MTTP: variants seen among roughly 807,000 people sequenced by gnomAD.
MTTP encodes microsomal triglyceride transfer protein large subunit.
A neutral mutation model predicts 90.6 loss-of-function variants in MTTP; 49 were observed. That is an observed-to-expected ratio of 0.54 (90% CI 0.43 to 0.69). The LOEUF (loss-of-function observed/expected upper bound fraction) is 0.69, where lower values mean the gene tolerates loss of function less well. Ranked by LOEUF, MTTP falls within the 30% of genes least tolerant of loss-of-function variation. The pLI is 0.00. For missense variants in MTTP, 945 were observed against 1,067.5 expected, an observed-to-expected ratio of 0.89 and a Z score of 1.60; for synonymous variants, 347 against 384.2, an observed-to-expected ratio of 0.90 and a Z score of 1.13.
At position 99,622,667 on chromosome 4, in the gene MTTP, TG is replaced by T; in HGVS notation, c.2514-9del. 1 of 1,613,698 alleles carries T rather than the reference TG, an allele frequency of 6.2e-7. No homozygotes were observed. Among genetic ancestry groups the T allele is most frequent in the Non-Finnish European group, 8.5e-7 (1 of 1,179,670 alleles). ...TGTGTAATTCTGTTATTGTTGCTGTTGTTGTACAGGCAATTTGAGAAAAAGT... is the reference window on the plus strand; with the variant it reads ...TGTGTAATTCTGTTATTGTTGCTGTTTTGTACAGGCAATTTGAGAAAAAGT... On this transcript the variant is annotated splice_polypyrimidine_tract_variant and intron_variant, in intron 17 of 17. Coordinates refer to ENST00000265517, the MANE Select transcript of MTTP (RefSeq NM_001386140.1).
chr4:99,564,146 T>G, exon 1 of MTTP: 1 of 1,535,512 alleles, frequency 6.5e-7, no homozygotes, highest in Non-Finnish European at 8.7e-7. Flanking sequence ...AGTTAGTGTT[T>G]TGGGAGTGGG....
intron 10 of MTTP, 103 bp downstream of exon 10, chr4:99,601,817 A>C (rs915326252): frequency 1.1e-6 from 1 of 902,116 alleles, no homozygotes. Context: ...TCTTTACTCT[A>C]TTCTACTTAC....
At chr4:99,568,121 G>T (rs1257121467) in intron 1 of MTTP, among the ~76,000 whole-genome samples, 1 of 151,856 alleles carries the variant, frequency 6.6e-6, no homozygotes, top group Non-Finnish European at 1.5e-5. Context: ...ACAATAATAA[G>T]AAATATAGAA....
At chr4:99,616,284 C>T (rs1726097906) in intron 15 of MTTP, among the ~76,000 whole-genome samples, 1 of 152,152 alleles carries the variant, frequency 6.6e-6, no homozygotes, top group Non-Finnish European at 1.5e-5. Context: ...GTCCCAGCTA[C>T]TCAGGAGGCT....
intron 4 of MTTP, among the ~76,000 whole-genome samples, chr4:99,589,976 G>A (rs1725373888): frequency 6.6e-6 from 1 of 152,116 alleles, no homozygotes; most frequent in East Asian, 1.9e-4. Context: ...GAGCTTCGTG[G>A]GGATCATTCC....
chr4:99,622,903 G>T lies in MTTP; in HGVS notation c.*55G>T. 1 of 1,545,590 alleles carries T rather than the reference G, an allele frequency of 6.5e-7. No individual in the cohort carries two copies. Among genetic ancestry groups the T allele is most frequent in the Non-Finnish European group, 8.9e-7 (1 of 1,118,040 alleles). ...GTCTCCCCGAAAGGGACACAATGTG[G>T]CATGACTAAGTACTTGCTCTCTGAG... On this transcript the variant is annotated 3_prime_UTR_variant, in exon 18 of 18. Coordinates refer to ENST00000265517, the MANE Select transcript of MTTP (RefSeq NM_001386140.1).
At chr4:99,571,003 A>C (rs1039314222), upstream of MTTP, 2 of 295,494 alleles carry the variant, frequency 6.8e-6, no homozygotes, top group Non-Finnish European at 1.4e-5. Context: ...TAAGCCACTA[A>C]GTTTTGTGGT....
intron 15 of MTTP, among the ~76,000 whole-genome samples, chr4:99,617,323 A>G (rs1726121116): frequency 6.6e-6 from 1 of 152,202 alleles, no homozygotes; most frequent in Non-Finnish European, 1.5e-5. Context: ...TCCATCAAAG[A>G]GTGTCCTTCA....
At chr4:99,587,050 C>A (rs143454909) in intron 3 of MTTP, among the ~76,000 whole-genome samples, 130 of 152,198 alleles carry the variant, frequency 8.5e-4, no homozygotes, top group African/African-American at 2.9e-3. Flanking sequence ...AACTTTATGG[C>A]CTGAGTATAA....
intron 10 of MTTP, among the ~76,000 whole-genome samples, chr4:99,603,623 T>C (rs1268246087): frequency 6.6e-6 from 1 of 152,094 alleles, no homozygotes; most frequent in Non-Finnish European, 1.5e-5. Context: ...TTACCAGGTG[T>C]ATGGTGATGC....
intron 7 of MTTP, among the ~76,000 whole-genome samples, chr4:99,596,032 G>T (rs1478636553): frequency 6.6e-6 from 1 of 151,760 alleles, no homozygotes; most frequent in Non-Finnish European, 1.5e-5. Flanking sequence ...TTCTATTGCA[G>T]CCCTTTAAAG....
At position 99,584,349 on chromosome 4, in the gene MTTP, G is replaced by A. The variant is rs114487998; in HGVS notation, c.393+832G>A. 1.7e-3 allele frequency among the ~76,000 whole-genome samples: 258 copies of A among 152,066 alleles called. 1 individual carries two copies. Among genetic ancestry groups the A allele is most frequent in the African/African-American group, 5.9e-3 (243 of 41,496 alleles). On this transcript the variant is annotated intron_variant, in intron 3 of 17. Coordinates refer to ENST00000265517, the MANE Select transcript of MTTP (RefSeq NM_001386140.1). ...GGAACATTGAGTTATAATTCCATAC[G>A]TCTCTGAAATTTCACTTTCTAAATT...
chr4:99,568,056 A>G (rs999838105), intron 1 of MTTP, among the ~76,000 whole-genome samples: 6 of 152,150 alleles, frequency 3.9e-5, no homozygotes, highest in Non-Finnish European at 2.9e-5. Context: ...AGAGAACCAC[A>G]TAAAAATGAA....
chr4:99,608,896 C>T lies in MTTP; in HGVS notation c.1688C>T (p.Ser563Phe). ...ATGGACGTCAAGAACATCCTGCTGT[C>T]TATTGGGGAGCTTCCCCAAGAAATG... ...SYMDVKNILL[S>F]IGELPQEMNK... The change falls in exon 12 of 18, where the codon TCT becomes TTT. Residue 563 changes from serine (S) to phenylalanine (F), a missense_variant. By Grantham distance (155) the Ser-to-Phe change is radical. Coordinates refer to ENST00000265517, the MANE Select transcript of MTTP (RefSeq NM_001386140.1). The T allele has an allele frequency of 6.2e-7, 1 of 1,614,150 alleles. No individual in the cohort carries two copies.
At chr4:99,574,211 A>G (rs1015859857), upstream of MTTP, among the ~76,000 whole-genome samples, 1 of 152,224 alleles carries the variant, frequency 6.6e-6, no homozygotes, top group South Asian at 2.1e-4. Flanking sequence ...TTGGCTTGCT[A>G]GTGTGCTAAT....
upstream of MTTP, among the ~76,000 whole-genome samples, chr4:99,573,396 T>C (rs3811800): frequency 0.42 from 64,502 of 151,922 alleles, 15,287 homozygotes; most frequent in African/African-American, 0.65. Context: ...TAAAAACTTA[T>C]ATTTCTTTAA....
intron 15 of MTTP, among the ~76,000 whole-genome samples, chr4:99,616,319 G>A (rs1578255885): frequency 1.3e-5 from 2 of 152,232 alleles, no homozygotes; most frequent in East Asian, 3.9e-4. Flanking sequence ...AGGATTGCTT[G>A]AGCCCAGCAG....
At position 99,617,617 on chromosome 4, in the gene MTTP, T is replaced by C. The variant is rs553326548; in HGVS notation, c.2218-1357T>C. 1.8e-3 allele frequency among the ~76,000 whole-genome samples: 273 copies of C among 152,310 alleles called. 1 individual carries two copies. Among genetic ancestry groups the C allele is most frequent in the Middle Eastern group, 3.4e-3 (1 of 294 alleles). ...ATCAAAATTAAGGATACTGAGTCTC[T>C]TTCTCAAAATCATTATCACTTCCAA... On this transcript the variant is annotated intron_variant, in intron 15 of 17. Coordinates refer to ENST00000265517, the MANE Select transcript of MTTP (RefSeq NM_001386140.1).
intron 1 of MTTP, among the ~76,000 whole-genome samples, chr4:99,577,623 G>A (rs28583976): frequency 0.35 from 42,591 of 120,902 alleles, 7,406 homozygotes; most frequent in East Asian, 0.58. Flanking sequence ...AAAAAAAAAA[G>A]AAAGAAAAGA....
Sources: gnomAD v4.1 joint callset for allele counts (sites outside exome capture counted in the v4.1 genomes callset) on GRCh38, gnomAD v4.1.1 for gene constraint, MANE v1.5 for transcripts, NCBI Gene and HGNC (gene_info 2026-07-23, HGNC 2026-07-21) for gene names.